Variants in GNAQ observed in about 807,000 individuals in gnomAD.
GNAQ encodes guanine nucleotide-binding protein G(q) subunit alpha.
A neutral mutation model predicts 43.9 loss-of-function variants in GNAQ; 8 were observed. The ratio of observed to expected loss-of-function variants is 0.18; its 90% CI spans 0.11 to 0.33. The LOEUF is 0.33. Among genes scored for constraint, GNAQ ranks in the 10% least tolerant of loss-of-function variants. GNAQ has a pLI of 1.00. For synonymous variants in GNAQ, 155 were observed against 170.7 expected (o/e 0.91, Z 0.71); for missense variants, 158 against 450.8 (o/e 0.35, Z 5.88).
At chr9:77,841,946 T>A (rs1332297926) in intron 2 of GNAQ, among the ~76,000 whole-genome samples, 1 of 152,244 alleles carries the variant, frequency 6.6e-6, no homozygotes, top group East Asian at 1.9e-4. Flanking sequence ...CAGTTTTGGT[T>A]ATCACAAAAT....
At chr9:77,944,669 T>C (rs1236834610) in intron 1 of GNAQ, among the ~76,000 whole-genome samples, 1 of 152,204 alleles carries the variant, frequency 6.6e-6, no homozygotes, top group African/African-American at 2.4e-5. Flanking sequence ...AAGAGAAATC[T>C]GGTCTGCCAC....
chr9:77,938,191 T>G (rs775003721), intron 1 of GNAQ, among the ~76,000 whole-genome samples: 4 of 152,216 alleles, frequency 2.6e-5, no homozygotes, highest in Non-Finnish European at 5.9e-5. Flanking sequence ...TATACTGTAT[T>G]GTTATTTAGG....
chr9:77,957,690 G>A (rs1337922655), intron 1 of GNAQ, among the ~76,000 whole-genome samples: 1 of 152,158 alleles, frequency 6.6e-6, no homozygotes, highest in Non-Finnish European at 1.5e-5. Context: ...GCAAAAGCGA[G>A]TCCATCTTAT....
At chr9:77,964,826 G>A (rs1490423449) in intron 1 of GNAQ, among the ~76,000 whole-genome samples, 1 of 152,128 alleles carries the variant, frequency 6.6e-6, no homozygotes, top group Non-Finnish European at 1.5e-5. Context: ...CCAGACACCT[G>A]TATTTAAAAA....
intron 5 of GNAQ, among the ~76,000 whole-genome samples, chr9:77,748,815 G>A (rs1231326771): frequency 6.6e-6 from 1 of 152,204 alleles, no homozygotes; most frequent in African/African-American, 2.4e-5. Flanking sequence ...TTAATAATTG[G>A]ATTTTGGCCC....
intron 1 of GNAQ, among the ~76,000 whole-genome samples, chr9:77,969,026 C>T (rs1207636225): frequency 6.6e-6 from 1 of 152,200 alleles, no homozygotes; most frequent in African/African-American, 2.4e-5. Flanking sequence ...ATATTTTCAA[C>T]CAATCATGGT....
At chr9:78,022,333 T>A (rs1823921212) in intron 1 of GNAQ, among the ~76,000 whole-genome samples, 1 of 152,134 alleles carries the variant, frequency 6.6e-6, no homozygotes, top group Non-Finnish European at 1.5e-5. Context: ...TTAGAGATCA[T>A]CTGCTGCAAT....
rs1825301010 is a variant in GNAQ at position 77,720,971 on chromosome 9, A to G, written c.*352T>C. The G allele has an allele frequency of 4.0e-6, 1 of 250,516 alleles. No homozygotes were observed. The highest frequency in any genetic ancestry group is 5.9e-5 in the East Asian group (1 of 17,030). The allele number at this position is 250,516 out of a possible 1,614,324, so 15.5% of individuals were successfully genotyped here. A position where few individuals can be genotyped will look rare whatever the true frequency, so the allele number is the denominator to read the frequency against. On this transcript the variant is annotated 3_prime_UTR_variant, in exon 7 of 7. Transcript: ENST00000286548. ...AGCGGGGGAAGAAAAAAGGGAAATC[A>G]GCTTTGTTTTGCTCCATAGAAAAGA...
intron 1 of GNAQ, among the ~76,000 whole-genome samples, chr9:77,960,573 T>G (rs571108163): frequency 6.6e-6 from 1 of 152,292 alleles, no homozygotes; most frequent in East Asian, 1.9e-4. Context: ...AGGAAAGGCA[T>G]GCCGCAGGGA....
At chr9:77,829,025 G>C (rs940494035) in intron 2 of GNAQ, among the ~76,000 whole-genome samples, 1 of 152,184 alleles carries the variant, frequency 6.6e-6, no homozygotes, top group Non-Finnish European at 1.5e-5. Flanking sequence ...CAGCCTTTTA[G>C]GTGCTGGATC....
chr9:77,960,993 A>G (rs1175669240), intron 1 of GNAQ, among the ~76,000 whole-genome samples: 1 of 152,210 alleles, frequency 6.6e-6, no homozygotes, highest in Non-Finnish European at 1.5e-5. Flanking sequence ...TTTGAAACAC[A>G]TAGTTTGGAT....
At chr9:77,771,513 A>G (rs1283230108) in intron 5 of GNAQ, among the ~76,000 whole-genome samples, 2 of 152,246 alleles carry the variant, frequency 1.3e-5, no homozygotes, top group Non-Finnish European at 2.9e-5. Context: ...GTTAAGTATC[A>G]CGTGCTCTGT....
chr9:77,952,662 C>G (rs962260695), intron 1 of GNAQ, among the ~76,000 whole-genome samples: 1 of 152,118 alleles, frequency 6.6e-6, no homozygotes, highest in Non-Finnish European at 1.5e-5. Flanking sequence ...GCAAAATAGC[C>G]ATTAGGCATT....
At chr9:77,955,449 T>G (rs186945092) in intron 1 of GNAQ, among the ~76,000 whole-genome samples, 1 of 152,232 alleles carries the variant, frequency 6.6e-6, no homozygotes, top group East Asian at 1.9e-4. Flanking sequence ...CCAAGAATGT[T>G]TACTCCTTAG....
chr9:77,792,499 A>G (rs993527312), intron 5 of GNAQ, among the ~76,000 whole-genome samples: 1 of 152,130 alleles, frequency 6.6e-6, no homozygotes, highest in Non-Finnish European at 1.5e-5. Flanking sequence ...AAATCTAGTC[A>G]CTATTAGCTA....
At chr9:78,012,723 T>C (rs1320005315) in intron 1 of GNAQ, among the ~76,000 whole-genome samples, 1 of 152,162 alleles carries the variant, frequency 6.6e-6, no homozygotes, top group Non-Finnish European at 1.5e-5. Context: ...AATATATATA[T>C]ACATATATGT....
chr9:77,958,989 A>C (rs888063520), intron 1 of GNAQ, among the ~76,000 whole-genome samples: 1 of 152,160 alleles, frequency 6.6e-6, no homozygotes, highest in African/African-American at 2.4e-5. Context: ...AAAGGAGATA[A>C]AGAAAGAAAT....
intron 2 of GNAQ, among the ~76,000 whole-genome samples, chr9:77,841,098 A>G (rs1827482623): frequency 1.3e-5 from 2 of 152,168 alleles, no homozygotes; most frequent in Non-Finnish European, 2.9e-5. Flanking sequence ...AAAACAAACA[A>G]ACAAAAAAAC....
At chr9:77,919,559 G>C (rs569106505) in intron 2 of GNAQ, among the ~76,000 whole-genome samples, 2 of 152,132 alleles carry the variant, frequency 1.3e-5, no homozygotes, top group African/African-American at 4.8e-5. Context: ...CATAAACAAA[G>C]GCAACAAGTG....
Sources: gnomAD v4.1 joint callset for allele counts (sites outside exome capture counted in the v4.1 genomes callset) on GRCh38, gnomAD v4.1.1 for gene constraint, MANE v1.5 for transcripts, NCBI Gene and HGNC (gene_info 2026-07-23, HGNC 2026-07-21) for gene names.